Variants in NEURL1 observed in about 807,000 individuals in gnomAD.
The protein encoded by NEURL1 is E3 ubiquitin-protein ligase NEURL1.
Under a neutral mutation model 41.2 loss-of-function variants are expected in NEURL1, and 26 were observed. The observed-to-expected ratio is 0.63, with a 90% CI of 0.46 to 0.87. The LOEUF is 0.87. Ranked by LOEUF, NEURL1 falls within the 40% of genes least tolerant of loss-of-function variation. The pLI, the probability that NEURL1 is intolerant of heterozygous loss-of-function variation, is 0.00. For missense variants in NEURL1, 761 were observed against 871.1 expected (o/e 0.87, Z 1.59); for synonymous variants, 400 against 402.3 (o/e 0.99, Z 0.07).
At chr10:103,542,949 T>G (rs942963786) in intron 1 of NEURL1, among the ~76,000 whole-genome samples, 14 of 152,148 alleles carry the variant, frequency 9.2e-5, no homozygotes, top group African/African-American at 3.4e-4. Context: ...CAGCTTCCTG[T>G]CATTAAAACA....
intron 1 of NEURL1, among the ~76,000 whole-genome samples, chr10:103,500,608 C>T (rs1273355847): frequency 6.6e-6 from 1 of 152,192 alleles, no homozygotes; most frequent in Admixed American, 6.5e-5. Flanking sequence ...ATGCTTTCTC[C>T]CTTGGCTAAC....
intron 1 of NEURL1, among the ~76,000 whole-genome samples, chr10:103,551,730 G>T (rs1033495523): frequency 3.3e-5 from 5 of 152,204 alleles, no homozygotes; most frequent in African/African-American, 1.2e-4. Context: ...GACAGGAGAG[G>T]GAAGCCTCAG....
rs757113179 is a variant in NEURL1 at position 103,589,591 on chromosome 10, C to T, written c.1417C>T (p.Leu473=). The change falls in exon 5 of 6, where the codon CTG becomes TTG. Residue 473 remains leucine, a synonymous_variant. Coordinates refer to ENST00000369780, the MANE Select transcript of NEURL1 (RefSeq NM_004210.5). ...PASTPTSPSA[L]GSRLSDPLLS... is the part of the protein sequence containing the mutation. ...CTCCACGCCAACCTCGCCCAGTGCC[C>T]TGGGCAGCCGCCTGTCTGACCCCTT... 3 of 1,614,052 alleles carry T rather than the reference C, an allele frequency of 1.9e-6. No individual in the cohort carries two copies. The highest frequency in any genetic ancestry group is 2.2e-5 in the East Asian group (1 of 44,874).
At chr10:103,540,078 G>T (rs766335399) in intron 1 of NEURL1, among the ~76,000 whole-genome samples, 9 of 152,174 alleles carry the variant, frequency 5.9e-5, no homozygotes, top group African/African-American at 1.2e-4. Flanking sequence ...CTATGTTAAA[G>T]AAAACACTTA....
At chr10:103,555,319 G>A in intron 1 of NEURL1, 1 of 1,285,496 alleles carries the variant, frequency 7.8e-7, no homozygotes, top group East Asian at 6.1e-5. Context: ...CAGCCGGCCG[G>A]GGCGACTCGG....
chr10:103,554,470 G>A (rs568934244), intron 1 of NEURL1, among the ~76,000 whole-genome samples: 158 of 152,266 alleles, frequency 1.0e-3, no homozygotes, highest in African/African-American at 3.4e-3. Context: ...GGTGTGTGGT[G>A]TGTGTGTATG....
intron 1 of NEURL1, among the ~76,000 whole-genome samples, chr10:103,520,487 C>T (rs1564808553): frequency 6.6e-6 from 1 of 152,174 alleles, no homozygotes; most frequent in East Asian, 1.9e-4. Context: ...TAAGGTGGGG[C>T]AGGAACAAAT....
At chr10:103,502,645 T>C (rs926106531) in intron 1 of NEURL1, among the ~76,000 whole-genome samples, 1 of 152,104 alleles carries the variant, frequency 6.6e-6, no homozygotes, top group East Asian at 1.9e-4. Context: ...TAAAATTCAG[T>C]CCATAGCAGA....
In NEURL1 at chr10:103,557,723, C is replaced by T. The variant is rs904396749; in HGVS notation, c.86-13149C>T. ...ATGTGTGCCCACACCTGTACACACGCCCTAGCTGCCCCAGCGGCTCTGGTT... is the reference window on the plus strand; with the variant it reads ...ATGTGTGCCCACACCTGTACACACGTCCTAGCTGCCCCAGCGGCTCTGGTT... On this transcript the variant is annotated intron_variant, in intron 1 of 5. Transcript: ENST00000369780. Among the ~76,000 whole-genome samples the T allele has an allele frequency of 2.0e-5, 3 of 152,222 alleles. 1 individual carries two copies. The highest frequency in any genetic ancestry group is 1.3e-4 in the Admixed American group (2 of 15,284).
chr10:103,531,914 C>A (rs1165362025), intron 1 of NEURL1, among the ~76,000 whole-genome samples: 2 of 152,190 alleles, frequency 1.3e-5, no homozygotes, highest in Non-Finnish European at 2.9e-5. Flanking sequence ...TGTCCTCTTG[C>A]TGAATTGATC....
intron 1 of NEURL1, among the ~76,000 whole-genome samples, chr10:103,557,530 G>A (rs1336822697): frequency 6.6e-6 from 1 of 152,166 alleles, no homozygotes; most frequent in Non-Finnish European, 1.5e-5. Context: ...TGCCAGGACC[G>A]CCCTCCCAGG....
chr10:103,500,246 G>A (rs1408426307), intron 1 of NEURL1, among the ~76,000 whole-genome samples: 1 of 152,182 alleles, frequency 6.6e-6, no homozygotes, highest in Non-Finnish European at 1.5e-5. Flanking sequence ...ACCATGCACT[G>A]GGTGGTTACT....
At chr10:103,515,160 G>A (rs535771630) in intron 1 of NEURL1, among the ~76,000 whole-genome samples, 6 of 151,140 alleles carry the variant, frequency 4.0e-5, no homozygotes, top group African/African-American at 1.5e-4. Context: ...CCTGGGAGGC[G>A]GAGGTTGCAG....
At chr10:103,580,207 G>C (rs1479775194) in intron 3 of NEURL1, among the ~76,000 whole-genome samples, 1 of 152,182 alleles carries the variant, frequency 6.6e-6, no homozygotes, top group Non-Finnish European at 1.5e-5. Context: ...CCGGGCACCA[G>C]AACAGGCAAG....
chr10:103,573,836 G>T (rs2035599265), intron 3 of NEURL1, among the ~76,000 whole-genome samples: 1 of 152,174 alleles, frequency 6.6e-6, no homozygotes, highest in Non-Finnish European at 1.5e-5. Context: ...TGGCTTCAAG[G>T]CCAGTCCCAA....
chr10:103,571,414 C>A, intron 2 of NEURL1, 87 bp from the exon 3 acceptor site: 2 of 1,360,910 alleles, frequency 1.5e-6, no homozygotes, highest in Non-Finnish European at 2.0e-6. Context: ...CTGTGGGATG[C>A]TCCAGGGAGT....
intron 3 of NEURL1, among the ~76,000 whole-genome samples, 167 bp downstream of exon 3, chr10:103,571,989 C>T (rs2035561462): frequency 6.6e-6 from 1 of 152,206 alleles, no homozygotes; most frequent in South Asian, 2.1e-4. Context: ...CAGAGATCTC[C>T]TTTCCTCCAG....
At chr10:103,583,376 TAAAA>T (rs937272292) in intron 3 of NEURL1, among the ~76,000 whole-genome samples, 114 of 152,054 alleles carry the variant, frequency 7.5e-4, no homozygotes, top group African/African-American at 2.7e-3. Flanking sequence ...ATATAAAAGG[TAAAA>T]AACAAGTGAT....
chr10:103,515,105 G>GACACC (rs2034169356), intron 1 of NEURL1, among the ~76,000 whole-genome samples: 1 of 152,006 alleles, frequency 6.6e-6, no homozygotes, highest in African/African-American at 2.4e-5. Flanking sequence ...ATGGGCACCT[G>GACACC]TAATCCCAGC....
Sources: allele counts gnomAD v4.1 joint callset (sites outside exome capture counted in the v4.1 genomes callset), GRCh38; gene constraint gnomAD v4.1.1; transcripts MANE v1.5; gene names NCBI Gene and HGNC (gene_info 2026-07-23, HGNC 2026-07-21).